FHDC1: variants seen among roughly 807,000 people sequenced by gnomAD.
The protein encoded by FHDC1 is FH2 domain containing 1.
FHDC1 carries 25 observed loss-of-function variants against 52.6 expected under a neutral mutation model. The ratio of observed to expected loss-of-function variants is 0.48; its 90% CI spans 0.35 to 0.66. FHDC1 has a LOEUF of 0.66. Ranked by LOEUF, FHDC1 falls within the 30% of genes least tolerant of loss-of-function variation. The probability of loss-of-function intolerance (pLI) is 0.01; values close to 1 mark genes in which losing one functional copy is unlikely to be tolerated. For synonymous variants in FHDC1, 616 were observed against 581.5 expected (o/e 1.06, Z -0.85); for missense variants, 1,459 against 1,452.8 (o/e 1.00, Z -0.07).
the FHDC1 span, chr4:152,911,912 A>G: frequency 6.6e-6 from 1 of 152,524 alleles, no homozygotes; most frequent in Non-Finnish European, 1.5e-5. Flanking sequence ...GCTGCAGTAA[A>G]TCGTTTCTCT....
intron 4 of FHDC1, among the ~76,000 whole-genome samples, chr4:152,956,700 G>T (rs1161811078): frequency 6.6e-6 from 1 of 152,132 alleles, no homozygotes; most frequent in African/African-American, 2.4e-5. Context: ...ACCCTGAAGT[G>T]CCTTCCCAGC....
the FHDC1 span, among the ~76,000 whole-genome samples, chr4:152,913,606 C>T: frequency 6.6e-6 from 1 of 152,120 alleles, no homozygotes; most frequent in South Asian, 2.1e-4. Context: ...TTGCCAGTAG[C>T]TCTTTTCTTT....
chr4:152,936,107 G>T (rs1050395026), upstream of FHDC1, among the ~76,000 whole-genome samples: 8 of 152,042 alleles, frequency 5.3e-5, no homozygotes, highest in Admixed American at 5.2e-4. Context: ...GCCCCGAGGC[G>T]TCTCCCCCGG....
At chr4:152,961,257 G>C (rs1689032971) in intron 6 of FHDC1, among the ~76,000 whole-genome samples, 2 of 151,884 alleles carry the variant, frequency 1.3e-5, no homozygotes, top group South Asian at 4.2e-4. Context: ...TTGGTGGCTG[G>C]GACCCAGCCT....
chr4:152,920,922 C>A, the FHDC1 span, among the ~76,000 whole-genome samples: 2 of 151,252 alleles, frequency 1.3e-5, no homozygotes, highest in African/African-American at 4.8e-5. Context: ...ACAACTTGAT[C>A]ATATATAAGT....
chr4:152,964,049 T>C (rs566177967), intron 8 of FHDC1, among the ~76,000 whole-genome samples: 120 of 152,126 alleles, frequency 7.9e-4, no homozygotes, highest in Non-Finnish European at 1.5e-3. Flanking sequence ...TGTCCTTTGC[T>C]AGCTCTACTT....
chr4:152,922,966 G>C, the FHDC1 span, among the ~76,000 whole-genome samples: 114 of 151,662 alleles, frequency 7.5e-4, no homozygotes, highest in Non-Finnish European at 1.3e-3. Context: ...GATGCCCTCT[G>C]TCACCACTCC....
intron 2 of FHDC1, among the ~76,000 whole-genome samples, chr4:152,945,312 G>T (rs1739697011): frequency 6.6e-6 from 1 of 152,022 alleles, no homozygotes; most frequent in Non-Finnish European, 1.5e-5. Context: ...TCTTTCTCTT[G>T]CCTTCCTCCA....
intron 1 of FHDC1, among the ~76,000 whole-genome samples, chr4:152,938,022 G>A (rs1357351195): frequency 1.3e-5 from 2 of 152,128 alleles, no homozygotes; most frequent in African/African-American, 4.8e-5. Context: ...CCCCCAGGCC[G>A]AATTTCTTCC....
intron 11 of FHDC1, 137 bp from the exon 12 acceptor site, chr4:152,974,538 T>A: frequency 7.6e-7 from 1 of 1,310,986 alleles, no homozygotes; most frequent in Non-Finnish European, 1.0e-6. Flanking sequence ...ACACACAGCC[T>A]CTTTCTCAGT....
At chr4:152,912,485 G>GA in the FHDC1 span, 1 of 152,146 alleles carries the variant, frequency 6.6e-6, no homozygotes, top group African/African-American at 2.4e-5. Context: ...TCCTAGAAGT[G>GA]AAAATGGGCC....
intron 1 of FHDC1, among the ~76,000 whole-genome samples, chr4:152,939,936 C>A (rs1315608061): frequency 1.3e-5 from 2 of 152,238 alleles, no homozygotes; most frequent in East Asian, 3.8e-4. Flanking sequence ...ATTGTCCCTA[C>A]TGGCAGTTGT....
At chr4:152,926,438 G>A in the FHDC1 span, among the ~76,000 whole-genome samples, 1 of 151,546 alleles carries the variant, frequency 6.6e-6, no homozygotes, top group East Asian at 1.9e-4. Context: ...TATTTCAAAA[G>A]TTACACGAAT....
intron 4 of FHDC1, among the ~76,000 whole-genome samples, chr4:152,959,943 G>GGTCA (rs1187203794): frequency 4.7e-5 from 4 of 84,996 alleles, no homozygotes; most frequent in African/African-American, 1.0e-4. Context: ...CAATCTTAAC[G>GGTCA]TCCCGTTGTT....
the FHDC1 span, among the ~76,000 whole-genome samples, chr4:152,917,314 T>C: frequency 6.6e-6 from 1 of 152,214 alleles, no homozygotes; most frequent in Non-Finnish European, 1.5e-5. Flanking sequence ...TATAACAACT[T>C]GAGACCGCTT....
the FHDC1 span, among the ~76,000 whole-genome samples, chr4:152,920,446 A>G: frequency 2.0e-5 from 3 of 152,210 alleles, no homozygotes; most frequent in Non-Finnish European, 2.9e-5. Context: ...CATAACCTTC[A>G]AGTCAAAACT....
intron 9 of FHDC1, 70 bp from the exon 10 acceptor site, chr4:152,967,910 T>G (rs1740512419): frequency 1.8e-6 from 2 of 1,137,320 alleles, no homozygotes; most frequent in South Asian, 2.8e-5. Flanking sequence ...ACAGTTAGTC[T>G]TATTTAATAT....
chr4:152,967,900 A>G (rs1579100792), intron 9 of FHDC1, 80 bp from the exon 10 acceptor site: 1 of 1,003,030 alleles, frequency 1.0e-6, no homozygotes, highest in East Asian at 2.4e-5. Context: ...AGGTTGAACA[A>G]CAGTTAGTCT....
In FHDC1 at chr4:152,946,750, TTGAAATATCATAACCTCCTACAGAAACA is replaced by T. The variant is rs542656732; in HGVS notation, c.498+3196_498+3223del. Among the ~76,000 whole-genome samples the T allele has an allele frequency of 2.0e-4, 30 of 152,310 alleles. No homozygotes were observed. The South Asian group carries it at 3.3e-3, about 17-fold the overall frequency. ...CTTGCCCAGGCACAGATTATGACCC[TTGAAATATCATAACCTCCTACAGAAACA>T]GCCCGACATTATGTGATTGGCTTAT... On this transcript the variant is annotated intron_variant, in intron 2 of 11. Coordinates refer to ENST00000511601, the MANE Select transcript of FHDC1 (RefSeq NM_001371116.1).
Sources: gnomAD v4.1 joint callset for allele counts (sites outside exome capture counted in the v4.1 genomes callset) on GRCh38, gnomAD v4.1.1 for gene constraint, MANE v1.5 for transcripts, NCBI Gene and HGNC (gene_info 2026-07-23, HGNC 2026-07-21) for gene names.